The following TCF20 variants were observed in gnomAD, a reference collection of about 807,000 sequenced individuals.
TCF20 encodes the protein transcription factor 20, also known as SPRE-binding protein.
In TCF20, 3 loss-of-function variants were observed where a neutral mutation model predicts 148.6. The observed-to-expected ratio is 0.02, with a 90% CI of 0.01 to 0.05. TCF20 has a LOEUF of 0.05. Ranked by LOEUF, TCF20 falls within the 10% of genes least tolerant of loss-of-function variation. The pLI is 1.00. For synonymous variants in TCF20, 1,049 were observed against 909.5 expected (o/e 1.15, Z -2.76); for missense variants, 2,350 against 2,429.3 (o/e 0.97, Z 0.69).
intron 1 of TCF20, among the ~76,000 whole-genome samples, chr22:42,255,316 C>G (rs1210962006): frequency 6.6e-6 from 1 of 152,070 alleles, no homozygotes; most frequent in African/African-American, 2.4e-5. Context: ...AAAACCCCGT[C>G]TCTACTAAAA....
At chr22:42,231,398 C>T (rs894499080) in intron 1 of TCF20, among the ~76,000 whole-genome samples, 4 of 152,060 alleles carry the variant, frequency 2.6e-5, no homozygotes, top group African/African-American at 7.2e-5. Context: ...GTGAGGGTTG[C>T]TTGAGCCCAG....
chr22:42,226,796 C>T (rs1267893281), intron 1 of TCF20, among the ~76,000 whole-genome samples: 1 of 151,994 alleles, frequency 6.6e-6, no homozygotes, highest in African/African-American at 2.4e-5. Flanking sequence ...CAGAAGTGGG[C>T]AAAAGCTATA....
At chr22:42,181,002 G>A (rs1314797202) in intron 2 of TCF20, among the ~76,000 whole-genome samples, 1 of 152,204 alleles carries the variant, frequency 6.6e-6, no homozygotes, top group Non-Finnish European at 1.5e-5. Flanking sequence ...TCGCACCCTT[G>A]TTAAGAGAGA....
At chr22:42,286,910 A>T (rs1927042662), upstream of TCF20, among the ~76,000 whole-genome samples, 1 of 152,174 alleles carries the variant, frequency 6.6e-6, no homozygotes, top group Admixed American at 6.5e-5. Flanking sequence ...TTATTCAATA[A>T]CTTCTCACAA....
intron 1 of TCF20, among the ~76,000 whole-genome samples, chr22:42,322,157 G>A (rs1344878591): frequency 1.3e-5 from 2 of 151,778 alleles, no homozygotes; most frequent in South Asian, 2.1e-4. Context: ...AAAAGAATCT[G>A]AGGAAACACA....
intron 1 of TCF20, among the ~76,000 whole-genome samples, chr22:42,329,886 C>T (rs1160079402): frequency 6.6e-6 from 1 of 152,108 alleles, no homozygotes; most frequent in African/African-American, 2.4e-5. Flanking sequence ...GCTGTGGGCT[C>T]AGTGGGAGGT....
At position 42,219,751 on chromosome 22, in the gene TCF20, G is replaced by A. The variant is rs1436667602; in HGVS notation, c.-36-4410C>T. Among the ~76,000 whole-genome samples the A allele has an allele frequency of 2.0e-5, 3 of 152,066 alleles. No individual in the cohort carries two copies. In the South Asian group the frequency reaches 6.2e-4, roughly 32 times the overall value. On this transcript the variant is annotated intron_variant, in intron 1 of 5. Coordinates refer to ENST00000677622, the MANE Select transcript of TCF20 (RefSeq NM_001378418.1). ...CGTGCCTGTAGTCCCAGCACCTCGG[G>A]GGGCTGAGGCAGGAGGATCGCCTGA...
At position 42,299,704 on chromosome 22, in the gene TCF20, G is replaced by GA. The variant is rs1319944988; in HGVS notation, c.-37+43774_-37+43775insT. 6.6e-6 allele frequency among the ~76,000 whole-genome samples: 1 copy of GA among 152,112 alleles called. No homozygotes were observed. The highest frequency in any genetic ancestry group is 2.4e-5 in the African/African-American group (1 of 41,404). ...AGACCTCCTAGGAGTGACCTGGCTG[G>GA]GGTCTCTCTAGGTCAGGTAATTAAT... On this transcript the variant is annotated intron_variant, in intron 1 of 1. Transcript: ENST00000515426. The surrounding 1 kb of genome is among the most constrained non-coding windows in gnomAD (Gnocchi z 4.1).
At chr22:42,172,758 G>A (rs906816411) in intron 3 of TCF20, among the ~76,000 whole-genome samples, 8 of 152,216 alleles carry the variant, frequency 5.3e-5, no homozygotes, top group African/African-American at 1.9e-4. Flanking sequence ...GATCTGTTGT[G>A]TAGCAGACAC....
intron 1 of TCF20, among the ~76,000 whole-genome samples, chr22:42,343,167 A>C (rs1478983094): frequency 6.6e-6 from 1 of 151,628 alleles, no homozygotes; most frequent in East Asian, 1.9e-4. Context: ...CCCCAGGGGC[A>C]AATCCCGGCT....
rs761147639 is a variant in TCF20, at chr22:42,211,967, C to A, written c.3339G>T (p.Gln1113His). Residue 1113 changes from glutamine (Q) to histidine (H), a missense_variant, in exon 2 of 6, where the codon CAG (glutamine) becomes CAT (histidine). Gln to His is a conservative substitution (Grantham distance 24, BLOSUM62 0). Coordinates refer to ENST00000677622, the MANE Select transcript of TCF20 (RefSeq NM_001378418.1). ...TCTTCCGTGGCCCCTCCTGCCTGTG[C>A]TGTGCTGCAGCAATTACTCCCTGAG... is the stretch of plus-strand genomic sequence containing the variant. ...GSAQGVIAAA[Q>H]HRQEGPRKSP... The A allele has an allele frequency of 6.2e-7, 1 of 1,614,194 alleles. No individual in the cohort carries two copies. The highest frequency in any genetic ancestry group is 2.2e-5 in the East Asian group (1 of 44,886).
At chr22:42,318,037 C>G (rs1013513102) in intron 1 of TCF20, among the ~76,000 whole-genome samples, 17 of 152,228 alleles carry the variant, frequency 1.1e-4, no homozygotes, top group African/African-American at 4.1e-4. Flanking sequence ...TGGGCCTTGA[C>G]CCCACAAGCA....
chr22:42,168,610 T>C lies in TCF20; in HGVS notation c.*43A>G, dbSNP rs752428667. 10 of 1,567,862 alleles carry C rather than the reference T, an allele frequency of 6.4e-6. No individual in the cohort carries two copies. The South Asian group carries it at 1.2e-4, about 18-fold the overall frequency. On this transcript the variant is annotated splice_region_variant and 3_prime_UTR_variant, in exon 5 of 6. Transcript: ENST00000677622. ...GGGAGCCCGGTGGCCCCGACTCACC[T>C]GTGCTTGCTGTCCTTTCCATTCCCA...
At chr22:42,191,152 T>C (rs977795974) in intron 2 of TCF20, among the ~76,000 whole-genome samples, 2 of 152,204 alleles carry the variant, frequency 1.3e-5, no homozygotes, top group African/African-American at 4.8e-5. Context: ...TTTAGTAATT[T>C]TTCTCTTGCA....
chr22:42,216,075 A>G (rs1259582917), intron 1 of TCF20, among the ~76,000 whole-genome samples: 1 of 76,664 alleles, frequency 1.3e-5, no homozygotes, highest in Non-Finnish European at 2.8e-5. Flanking sequence ...AGAAAAACCA[A>G]ATCCTTTTTT....
In TCF20 at chr22:42,313,711, C is replaced by T. The variant is rs542071128; in HGVS notation, c.-37+29768G>A. On this transcript the variant is annotated intron_variant, in intron 1 of 1. Coordinates refer to the TCF20 transcript ENST00000515426. ...ACCTCCTGTGTTCAAGCAGTTCTCC[C>T]GCCTCAGCCTCCCGAGTAGCTGGGA... Among the ~76,000 whole-genome samples, 44 of 151,988 alleles carry T rather than the reference C, an allele frequency of 2.9e-4. 1 individual carries two copies. The highest frequency in any genetic ancestry group is 6.8e-3 in the Middle Eastern group (2 of 294).
intron 1 of TCF20, among the ~76,000 whole-genome samples, chr22:42,258,702 G>C (rs1173326777): frequency 6.6e-6 from 1 of 152,144 alleles, no homozygotes; most frequent in South Asian, 2.1e-4. Context: ...CTTTGTGTTA[G>C]GTGATTTTGC....
intron 1 of TCF20, chr22:42,278,180 G>A (rs1489547077): frequency 6.6e-6 from 1 of 152,206 alleles, no homozygotes; most frequent in Admixed American, 6.5e-5. Flanking sequence ...ATCTGCCTGC[G>A]GCCGTCTGGT....
chr22:42,301,333 C>G (rs556533796), intron 1 of TCF20, among the ~76,000 whole-genome samples: 7 of 152,296 alleles, frequency 4.6e-5, no homozygotes, highest in African/African-American at 1.7e-4. Flanking sequence ...CCCAGGGAGA[C>G]AGAGGAGAGC....
Sources: allele counts gnomAD v4.1 joint callset (sites outside exome capture counted in the v4.1 genomes callset), GRCh38; gene constraint gnomAD v4.1.1; non-coding constraint Gnocchi (gnomAD v3.1); transcripts MANE v1.5; gene names NCBI Gene and HGNC (gene_info 2026-07-23, HGNC 2026-07-21).